The following NKD1 variants were observed in gnomAD, a reference collection of about 807,000 sequenced individuals.
NKD1 encodes NKD inhibitor of Wnt signaling pathway 1, also known as protein naked cuticle homolog 1.
NKD1 carries 21 observed loss-of-function variants against 56.0 expected under a neutral mutation model. That is an observed-to-expected ratio of 0.38 (90% CI 0.27 to 0.54). The LOEUF (loss-of-function observed/expected upper bound fraction) is 0.54, where lower values mean the gene tolerates loss of function less well. Ranked by LOEUF, NKD1 falls within the 20% of genes least tolerant of loss-of-function variation. The pLI is 0.82. For missense variants in NKD1, 578 were observed against 642.7 expected (o/e 0.90, Z 1.09); for synonymous variants, 263 against 265.7 (o/e 0.99, Z 0.10).
Position 50,608,299 on chromosome 16 carries a change from C to T in NKD1, c.198C>T (p.Leu66=), listed in dbSNP as rs151279926. 3.8e-5 allele frequency: 61 copies of T among 1,612,394 alleles called. No individual in the cohort carries two copies. The African/African-American group carries it at 4.4e-4, about 12-fold the overall frequency. The part of the protein sequence containing the change: ...AGTIGRSTRE[L]VGDVLRDTLS... The stretch of plus-strand genomic sequence containing the variant: ...TCTGCTCTGTCTTCTTGTAGGAGCT[C>T]GTGGGCGACGTGTTGAGAGACACGC... The change falls in exon 4 of 10, where the codon CTC becomes CTT. Residue 66 remains leucine (L), a synonymous_variant. Coordinates refer to ENST00000268459, the MANE Select transcript of NKD1 (RefSeq NM_033119.5).
chr16:50,579,916 C>G (rs896000923), intron 3 of NKD1, among the ~76,000 whole-genome samples: 5 of 152,290 alleles, frequency 3.3e-5, no homozygotes, highest in African/African-American at 1.2e-4. Context: ...CACACATGCA[C>G]TGTTTTGGTC....
intron 4 of NKD1, among the ~76,000 whole-genome samples, chr16:50,611,078 G>A (rs978075335): frequency 3.3e-5 from 5 of 152,304 alleles, no homozygotes; most frequent in South Asian, 2.1e-4. Flanking sequence ...CCAGGTAGTC[G>A]CAGCCTGCGG....
At chr16:50,611,486 C>T (rs952968210) in intron 4 of NKD1, among the ~76,000 whole-genome samples, 1 of 152,228 alleles carries the variant, frequency 6.6e-6, no homozygotes, top group Non-Finnish European at 1.5e-5. Flanking sequence ...CTGCCCTCTC[C>T]CCACTGGCCT....
chr16:50,589,609 C>G (rs1961303471), intron 3 of NKD1, among the ~76,000 whole-genome samples: 1 of 152,128 alleles, frequency 6.6e-6, no homozygotes, highest in East Asian at 1.9e-4. Flanking sequence ...AGGTGGTGGC[C>G]CAAGTCTGGG....
intron 3 of NKD1, among the ~76,000 whole-genome samples, chr16:50,589,765 TCC>T (rs1391434338): frequency 0.01 from 699 of 67,778 alleles, 93 homozygotes; most frequent in African/African-American, 0.029. Flanking sequence ...TTCTCTTCTC[TCC>T]TCTCCTCTCC....
At chr16:50,579,361 G>T (rs113283735) in intron 3 of NKD1, among the ~76,000 whole-genome samples, 1 of 138,570 alleles carries the variant, frequency 7.2e-6, no homozygotes, top group Non-Finnish European at 1.6e-5. Context: ...TTACTCCTGC[G>T]GGCTACCCGC....
At position 50,633,000 on chromosome 16, in the gene NKD1, C is replaced by G. The variant is rs1962379867; in HGVS notation, c.824-192C>G. On this transcript the variant is annotated intron_variant, in intron 9 of 9. Transcript: ENST00000268459. This position sits in a 1 kb window ranked among gnomAD's most constrained non-coding sequence, Gnocchi z 4.1. ...GTATTTTTGAAGACCTACCAAAGAA[C>G]CAGTTCTTCCCACTTAGCAGATGGG... is the stretch of plus-strand genomic sequence containing the variant. 6.6e-6 allele frequency among the ~76,000 whole-genome samples: 1 copy of G among 152,116 alleles called. No individual in the cohort carries two copies. The highest frequency in any genetic ancestry group is 6.5e-5 in the Admixed American group (1 of 15,274).
intron 3 of NKD1, among the ~76,000 whole-genome samples, chr16:50,591,108 T>A (rs933787554): frequency 6.6e-6 from 1 of 152,094 alleles, no homozygotes; most frequent in Non-Finnish European, 1.5e-5. Flanking sequence ...CAGGTGTGAG[T>A]CACTGTGCCC....
intron 3 of NKD1, among the ~76,000 whole-genome samples, chr16:50,554,145 C>T (rs1252460893): frequency 6.6e-6 from 1 of 152,158 alleles, no homozygotes; most frequent in Non-Finnish European, 1.5e-5. Flanking sequence ...CTGTGCATGC[C>T]TTCTGTTCTC....
At chr16:50,619,555 G>A (rs990913734) in intron 4 of NKD1, among the ~76,000 whole-genome samples, 7 of 152,138 alleles carry the variant, frequency 4.6e-5, no homozygotes, top group South Asian at 2.1e-4. Context: ...ATTTGCATTC[G>A]TGAAGCCTCA....
At chr16:50,567,230 G>A (rs141853787) in intron 3 of NKD1, among the ~76,000 whole-genome samples, 53 of 152,284 alleles carry the variant, frequency 3.5e-4, no homozygotes, top group Non-Finnish European at 5.6e-4. Flanking sequence ...AATGCATATG[G>A]CCACTGAAGT....
At chr16:50,616,867 G>T (rs1035848916) in intron 4 of NKD1, among the ~76,000 whole-genome samples, 2 of 152,192 alleles carry the variant, frequency 1.3e-5, no homozygotes, top group Non-Finnish European at 2.9e-5. Flanking sequence ...CATATCTAGG[G>T]TATTGGTCAT....
At chr16:50,570,930 G>A (rs1960868889) in intron 3 of NKD1, 4 of 985,460 alleles carry the variant, frequency 4.1e-6, no homozygotes, top group Non-Finnish European at 4.8e-6. Context: ...TAGCAGCCCT[G>A]TGCCAGGCAC....
intron 3 of NKD1, among the ~76,000 whole-genome samples, chr16:50,605,892 A>G (rs749345040): frequency 9.2e-5 from 14 of 152,106 alleles, no homozygotes; most frequent in Admixed American, 1.3e-4. Flanking sequence ...CCATTTTACA[A>G]ATAAGTAGGC....
chr16:50,625,562 C>T lies in NKD1; in HGVS notation c.444C>T (p.Asn148=), dbSNP rs759333024. 33 of 1,612,232 alleles carry T rather than the reference C, an allele frequency of 2.0e-5. No individual in the cohort carries two copies. The highest frequency in any genetic ancestry group is 5.0e-5 in the Admixed American group (3 of 60,010). ...TCACCCTGTATGACTTTGACAACAA[C>T]GGCAAGGTCACCCGAGAGGTGAGTG... is the stretch of plus-strand genomic sequence containing the variant. ...WTFTLYDFDN[N]GKVTREDITS... is the part of the protein sequence containing the mutation. The change falls in exon 6 of 10, where the codon AAC becomes AAT. Residue 148 remains asparagine, a synonymous_variant. Transcript: ENST00000268459.
In NKD1 at chr16:50,608,482, G is replaced by A. The variant is rs1596739156; in HGVS notation, c.259+122G>A. On this transcript the variant is annotated intron_variant, in intron 4 of 9. Coordinates refer to ENST00000268459, the MANE Select transcript of NKD1 (RefSeq NM_033119.5). The stretch of plus-strand genomic sequence containing the variant: ...ATGGAGGGCACAACAGGGACCTTGT[G>A]ACTCTGGGTGGGGGTGGACTAGAGG... 5.8e-6 allele frequency: 4 copies of A among 689,708 alleles called. No individual in the cohort carries two copies. In the East Asian group the frequency reaches 1.1e-4, roughly 20 times the overall value. The allele number at this position is 689,708 out of a possible 1,614,324, so 42.7% of individuals were successfully genotyped here.
Position 50,548,499 on chromosome 16 carries a change from G to C in NKD1, c.-55G>C, listed in dbSNP as rs1348773547. On this transcript the variant is annotated 5_prime_UTR_variant, in exon 1 of 10. Coordinates refer to ENST00000268459, the MANE Select transcript of NKD1 (RefSeq NM_033119.5). Reference sequence around the variant, plus strand: ...AGGAGGAGAGCCAAGGGAGGCGCCAGGCCCGCGGGCCGGGCGCATGGCTTA... The same window carrying C: ...AGGAGGAGAGCCAAGGGAGGCGCCACGCCCGCGGGCCGGGCGCATGGCTTA... 5.9e-6 allele frequency: 8 copies of C among 1,357,284 alleles called. No homozygotes were observed. The highest frequency in any genetic ancestry group is 7.6e-6 in the Non-Finnish European group (8 of 1,047,860). 84.1% of individuals were successfully genotyped at this position (1,357,284 alleles called of 1,614,324 possible). A position where few individuals can be genotyped will look rare whatever the true frequency, so the allele number is the denominator to read the frequency against.
chr16:50,573,225 C>T (rs772022705), intron 3 of NKD1, among the ~76,000 whole-genome samples: 3 of 152,218 alleles, frequency 2.0e-5, no homozygotes, highest in Non-Finnish European at 4.4e-5. Context: ...TGCTGGAACC[C>T]GTACCTCTAC....
In NKD1 at chr16:50,610,631, T is replaced by C. The variant is rs569002587; in HGVS notation, c.259+2271T>C. Among the ~76,000 whole-genome samples, 371 of 152,288 alleles carry C rather than the reference T, an allele frequency of 2.4e-3. 14 individuals are homozygous for C. In the South Asian group the frequency reaches 0.057, roughly 23 times the overall value. ...CCTGTTGGCCAAGTTCATTGCCTCT[T>C]GGCGGGCTGGAGAGCTGTTTAAGAG... is the stretch of plus-strand genomic sequence containing the variant. On this transcript the variant is annotated intron_variant, in intron 4 of 9. Coordinates refer to ENST00000268459, the MANE Select transcript of NKD1 (RefSeq NM_033119.5).
Sources: gnomAD v4.1 joint callset for allele counts (sites outside exome capture counted in the v4.1 genomes callset) on GRCh38, gnomAD v4.1.1 for gene constraint, Gnocchi (gnomAD v3.1) non-coding constraint, MANE v1.5 for transcripts, NCBI Gene and HGNC (gene_info 2026-07-23, HGNC 2026-07-21) for gene names.